The following GRID1 variants were observed in gnomAD, a reference collection of about 807,000 sequenced individuals.
GRID1 encodes the protein glutamate ionotropic receptor delta type subunit 1.
Under a neutral mutation model 98.0 loss-of-function variants are expected in GRID1, and 28 were observed. The observed-to-expected ratio is 0.29, with a 90% CI of 0.21 to 0.39. The LOEUF is 0.39. Ranked by LOEUF, GRID1 falls within the 10% of genes least tolerant of loss-of-function variation. The pLI is 1.00. For missense variants in GRID1, 1,111 were observed against 1,340.5 expected, an observed-to-expected ratio of 0.83 and a Z score of 2.67; for synonymous variants, 553 against 538.5, an observed-to-expected ratio of 1.03 and a Z score of -0.37.
At chr10:86,248,222 A>C (rs1447898601) in intron 2 of GRID1, among the ~76,000 whole-genome samples, 2 of 152,206 alleles carry the variant, frequency 1.3e-5, no homozygotes, top group Non-Finnish European at 2.9e-5. Context: ...AGCTCCTGCC[A>C]GCGGGAGTCA....
At chr10:85,865,520 G>A (rs1383107941) in intron 6 of GRID1, among the ~76,000 whole-genome samples, 2 of 152,034 alleles carry the variant, frequency 1.3e-5, no homozygotes, top group African/African-American at 2.4e-5. Context: ...GCCATTTGGT[G>A]GGGGGGAAGA....
intron 4 of GRID1, among the ~76,000 whole-genome samples, chr10:86,063,444 G>A (rs1325173609): frequency 1.3e-5 from 2 of 152,146 alleles, no homozygotes; most frequent in Admixed American, 6.5e-5. Flanking sequence ...AATAACTACA[G>A]TGCCCAGACT....
At chr10:86,070,567 G>A (rs1047405789) in intron 4 of GRID1, among the ~76,000 whole-genome samples, 17 of 152,132 alleles carry the variant, frequency 1.1e-4, no homozygotes, top group Admixed American at 2.0e-4. Flanking sequence ...GCAGGGTGCC[G>A]AAGCTCCTTT....
chr10:86,225,091 C>T (rs952819046), intron 2 of GRID1, among the ~76,000 whole-genome samples: 2 of 152,198 alleles, frequency 1.3e-5, no homozygotes, highest in African/African-American at 4.8e-5. Flanking sequence ...TCGATTTTGC[C>T]CTACAGAACC....
At chr10:85,748,003 G>A (rs768420753) in intron 8 of GRID1, among the ~76,000 whole-genome samples, 1 of 152,088 alleles carries the variant, frequency 6.6e-6, no homozygotes, top group East Asian at 1.9e-4. Flanking sequence ...ACATTACTTT[G>A]TAAGATTAGA....
At chr10:86,036,996 C>A (rs1334833038) in intron 4 of GRID1, among the ~76,000 whole-genome samples, 1 of 152,182 alleles carries the variant, frequency 6.6e-6, no homozygotes, top group East Asian at 1.9e-4. Context: ...AAGCATGGCT[C>A]ACTATATTTT....
intron 4 of GRID1, among the ~76,000 whole-genome samples, chr10:86,073,621 T>C (rs1357926265): frequency 6.6e-6 from 1 of 152,218 alleles, no homozygotes; most frequent in Non-Finnish European, 1.5e-5. Context: ...CATGCACACC[T>C]GTCTTCCAGG....
chr10:85,706,101 G>C (rs192821087), intron 12 of GRID1, among the ~76,000 whole-genome samples: 106 of 152,318 alleles, frequency 7.0e-4, no homozygotes, highest in African/African-American at 2.5e-3. Flanking sequence ...AGTGTTGGAA[G>C]TTCTGGCCAG....
At chr10:85,944,615 A>C (rs527939136) in intron 4 of GRID1, among the ~76,000 whole-genome samples, 4 of 152,186 alleles carry the variant, frequency 2.6e-5, no homozygotes, top group African/African-American at 9.7e-5. Context: ...TTGGGGGAGG[A>C]GGAATCATCA....
intron 8 of GRID1, among the ~76,000 whole-genome samples, chr10:85,786,021 ACACATG>A (rs1462494481): frequency 6.6e-6 from 1 of 152,078 alleles, no homozygotes; most frequent in Non-Finnish European, 1.5e-5. Context: ...ACATACACAT[ACACATG>A]CACATACCAC....
At chr10:85,880,876 ACTGT>A (rs1028957342) in intron 5 of GRID1, among the ~76,000 whole-genome samples, 1 of 152,208 alleles carries the variant, frequency 6.6e-6, no homozygotes, top group African/African-American at 2.4e-5. Flanking sequence ...AGAAAACACC[ACTGT>A]CTAAGCCCAA....
intron 2 of GRID1, among the ~76,000 whole-genome samples, chr10:86,286,456 C>T (rs1847433206): frequency 6.6e-6 from 1 of 152,182 alleles, no homozygotes; most frequent in Admixed American, 6.5e-5. Context: ...TGCCTTTTTA[C>T]TAGGTTTGGG....
chr10:86,139,948 C>T (rs1179148723), intron 3 of GRID1, among the ~76,000 whole-genome samples: 1 of 152,236 alleles, frequency 6.6e-6, no homozygotes, highest in East Asian at 1.9e-4. Context: ...AGCCATTTGG[C>T]TTTCCCAAAA....
chr10:86,064,970 A>G (rs1843698528), intron 4 of GRID1, among the ~76,000 whole-genome samples: 1 of 152,264 alleles, frequency 6.6e-6, no homozygotes, highest in African/African-American at 2.4e-5. Context: ...CATTCTTTCC[A>G]GACTGAGCAG....
intron 13 of GRID1, among the ~76,000 whole-genome samples, chr10:85,643,432 C>T (rs1272130865): frequency 6.6e-6 from 1 of 152,166 alleles, no homozygotes; most frequent in Non-Finnish European, 1.5e-5. Context: ...CATCTCCAGA[C>T]TGGTCTGCTC....
chr10:85,764,698 A>G (rs74148758), intron 8 of GRID1, among the ~76,000 whole-genome samples: 6,241 of 152,296 alleles, frequency 0.041, 191 homozygotes, highest in African/African-American at 0.082. Context: ...CTCTCCACTA[A>G]GTTAGTACCT....
At chr10:86,164,183 T>C (rs1473462254) in intron 3 of GRID1, among the ~76,000 whole-genome samples, 2 of 152,218 alleles carry the variant, frequency 1.3e-5, no homozygotes, top group Non-Finnish European at 2.9e-5. Flanking sequence ...ACATTTGTAC[T>C]GTAAAAGTCA....
rs116352998 is a variant in GRID1 at position 85,620,470 on chromosome 10, C to T, written c.2194-437G>A. 6.3e-3 allele frequency among the ~76,000 whole-genome samples: 948 copies of T among 151,490 alleles called. 8 individuals carry two copies. Among genetic ancestry groups the T allele is most frequent in the African/African-American group, 0.021 (886 of 41,520 alleles). Reference sequence around the variant, plus strand: ...GGAATAGGGGAGAATAGAACTGTGGCATATCTTACCCACTGATATTTCTAC... The same window carrying T: ...GGAATAGGGGAGAATAGAACTGTGGTATATCTTACCCACTGATATTTCTAC... On this transcript the variant is annotated intron_variant, in intron 13 of 15. Transcript: ENST00000327946.
At chr10:85,768,887 T>A (rs1212952520) in intron 8 of GRID1, among the ~76,000 whole-genome samples, 1 of 152,226 alleles carries the variant, frequency 6.6e-6, no homozygotes, top group African/African-American at 2.4e-5. Flanking sequence ...AATTATATTT[T>A]TAGGTATTTT....
Sources: allele counts gnomAD v4.1 joint callset (sites outside exome capture counted in the v4.1 genomes callset), GRCh38; gene constraint gnomAD v4.1.1; transcripts MANE v1.5; gene names NCBI Gene and HGNC (gene_info 2026-07-23, HGNC 2026-07-21).